The following ARHGAP24 variants were observed in gnomAD, a reference collection of about 807,000 sequenced individuals.
ARHGAP24 encodes rho GTPase-activating protein 24.
In ARHGAP24, 50 loss-of-function variants were observed where a neutral mutation model predicts 76.4. The ratio of observed to expected loss-of-function variants is 0.65; its 90% CI spans 0.52 to 0.83. The LOEUF (loss-of-function observed/expected upper bound fraction) is 0.83, where lower values mean the gene tolerates loss of function less well. Ranked by LOEUF, ARHGAP24 falls within the 40% of genes least tolerant of loss-of-function variation. The probability of loss-of-function intolerance (pLI) is 0.00; values close to 1 mark genes in which losing one functional copy is unlikely to be tolerated. For synonymous variants in ARHGAP24, 345 were observed against 323.3 expected, an observed-to-expected ratio of 1.07 and a Z score of -0.72; for missense variants, 930 against 914.2, an observed-to-expected ratio of 1.02 and a Z score of -0.22.
chr4:85,973,844 T>TTG (rs2148852993), intron 6 of ARHGAP24, among the ~76,000 whole-genome samples: 2 of 71,500 alleles, frequency 2.8e-5, no homozygotes, highest in Admixed American at 1.7e-4. Context: ...TTTTTTTTTT[T>TTG]TTTTTTTTTT....
intron 1 of ARHGAP24, among the ~76,000 whole-genome samples, chr4:85,541,745 T>C (rs1204438267): frequency 6.9e-6 from 1 of 144,820 alleles, no homozygotes; most frequent in Non-Finnish European, 1.5e-5. Context: ...ACGTAATCAC[T>C]GAAACAATAG....
chr4:85,923,890 G>T, intron 4 of ARHGAP24, 120 bp downstream of exon 4: 2 of 1,430,576 alleles, frequency 1.4e-6, no homozygotes, highest in Non-Finnish European at 1.9e-6. Context: ...AAAATAAATT[G>T]TAAATTGTTC....
At chr4:85,653,448 T>C (rs968651962) in intron 2 of ARHGAP24, among the ~76,000 whole-genome samples, 1 of 151,050 alleles carries the variant, frequency 6.6e-6, no homozygotes, top group African/African-American at 2.4e-5. Flanking sequence ...ATTTACCAAA[T>C]GTGATTATTT....
chr4:85,877,000 A>G (rs1321180151), intron 3 of ARHGAP24, among the ~76,000 whole-genome samples: 2 of 152,206 alleles, frequency 1.3e-5, no homozygotes, highest in Non-Finnish European at 2.9e-5. Flanking sequence ...TTTTTAAACT[A>G]CTACATTATC....
At chr4:85,887,293 A>G (rs1733616583) in intron 3 of ARHGAP24, among the ~76,000 whole-genome samples, 1 of 152,156 alleles carries the variant, frequency 6.6e-6, no homozygotes, top group South Asian at 2.1e-4. Context: ...TTAGAGTATT[A>G]AAATATATAA....
At chr4:85,768,790 T>C (rs1285970284) in intron 3 of ARHGAP24, among the ~76,000 whole-genome samples, 5 of 151,952 alleles carry the variant, frequency 3.3e-5, no homozygotes, top group South Asian at 2.1e-4. Flanking sequence ...AAAAAAATGA[T>C]AGACACAACT....
At chr4:85,809,830 C>T (rs1433982546) in intron 3 of ARHGAP24, among the ~76,000 whole-genome samples, 1 of 152,186 alleles carries the variant, frequency 6.6e-6, no homozygotes, top group African/African-American at 2.4e-5. Context: ...GGGATTTCTC[C>T]TTCTGTCATT....
chr4:85,912,025 G>A (rs1418710607), intron 3 of ARHGAP24, among the ~76,000 whole-genome samples: 4 of 152,098 alleles, frequency 2.6e-5, no homozygotes, highest in African/African-American at 9.7e-5. Context: ...AATTAGGTGA[G>A]ACCCCCTAAT....
intron 9 of ARHGAP24, 113 bp downstream of exon 9, chr4:85,995,770 G>A (rs1740627195): frequency 3.8e-6 from 4 of 1,040,986 alleles, no homozygotes; most frequent in Non-Finnish European, 5.8e-6. Context: ...AGAAACACAA[G>A]TTTGCTCCAT....
intron 2 of ARHGAP24, among the ~76,000 whole-genome samples, chr4:85,693,385 A>C (rs1376306547): frequency 6.6e-6 from 1 of 152,124 alleles, no homozygotes; most frequent in Admixed American, 6.5e-5. Context: ...CCCGTGAAGG[A>C]GTCATGACTC....
Position 85,889,894 on chromosome 4 carries a change from G to T in ARHGAP24, c.269-33754G>T, listed in dbSNP as rs567378919. 3.3e-5 allele frequency among the ~76,000 whole-genome samples: 5 copies of T among 152,088 alleles called. No homozygotes were observed. The East Asian group carries it at 9.7e-4, about 29-fold the overall frequency. ...CTGAGTCCTGGAAGAATCTTTTATT[G>T]ACCCTCCAAGACTTTTATTGCCATC... is the stretch of plus-strand genomic sequence containing the variant. On this transcript the variant is annotated intron_variant, in intron 3 of 9. Coordinates refer to ENST00000395184, the MANE Select transcript of ARHGAP24 (RefSeq NM_001025616.3).
At chr4:85,942,608 TAAGTA>T (rs1287614970) in intron 5 of ARHGAP24, among the ~76,000 whole-genome samples, 2 of 152,202 alleles carry the variant, frequency 1.3e-5, no homozygotes, top group Admixed American at 6.5e-5. Context: ...TTCTTTCTGT[TAAGTA>T]ATGTTAAAAG....
At chr4:85,894,635 G>T (rs1734039564) in intron 3 of ARHGAP24, among the ~76,000 whole-genome samples, 1 of 152,120 alleles carries the variant, frequency 6.6e-6, no homozygotes, top group Admixed American at 6.6e-5. Flanking sequence ...TATTTAGCAG[G>T]ATGAGGATGC....
chr4:85,546,613 A>G (rs1469799480), intron 1 of ARHGAP24, among the ~76,000 whole-genome samples: 4 of 152,206 alleles, frequency 2.6e-5, no homozygotes, highest in East Asian at 1.9e-4. Context: ...AGAAAATTCA[A>G]TGACTTTCTC....
intron 1 of ARHGAP24, among the ~76,000 whole-genome samples, chr4:85,555,163 G>T (rs1272647652): frequency 1.3e-5 from 2 of 152,118 alleles, no homozygotes; most frequent in African/African-American, 2.4e-5. Context: ...TTCCTGCTGT[G>T]AAACTAGTGC....
chr4:85,725,687 A>C (rs1725142324), intron 3 of ARHGAP24, among the ~76,000 whole-genome samples: 1 of 152,214 alleles, frequency 6.6e-6, no homozygotes. Context: ...TCCACTTCAC[A>C]TGCTAGTATT....
intron 3 of ARHGAP24, among the ~76,000 whole-genome samples, chr4:85,746,123 A>G (rs928955436): frequency 2.0e-5 from 3 of 152,244 alleles, no homozygotes; most frequent in Admixed American, 1.3e-4. Flanking sequence ...ACAGTAATAT[A>G]GATACCTGCT....
intron 1 of ARHGAP24, among the ~76,000 whole-genome samples, chr4:85,478,010 G>A (rs1337654554): frequency 1.3e-5 from 2 of 152,160 alleles, no homozygotes; most frequent in Non-Finnish European, 2.9e-5. Context: ...TCTGGTACAA[G>A]TGGGTGCTTT....
intron 3 of ARHGAP24, among the ~76,000 whole-genome samples, chr4:85,868,471 A>G (rs146461977): frequency 9.2e-5 from 14 of 152,320 alleles, no homozygotes; most frequent in African/African-American, 3.1e-4. Flanking sequence ...ACAGCTTTGC[A>G]GGGCCGTTTC....
Sources: gnomAD v4.1 joint callset for allele counts (sites outside exome capture counted in the v4.1 genomes callset) on GRCh38, gnomAD v4.1.1 for gene constraint, MANE v1.5 for transcripts, NCBI Gene and HGNC (gene_info 2026-07-23, HGNC 2026-07-21) for gene names.